Variants in ANKRD6 observed in about 807,000 individuals in gnomAD.
ANKRD6 encodes ankyrin repeat domain 6, also known as ankyrin repeat domain-containing protein 6.
ANKRD6 carries 56 observed loss-of-function variants against 82.3 expected under a neutral mutation model. The ratio of observed to expected loss-of-function variants is 0.68; its 90% CI spans 0.55 to 0.85. The LOEUF (loss-of-function observed/expected upper bound fraction) is 0.85, where lower values mean the gene tolerates loss of function less well. ANKRD6 is among the 40% of genes least tolerant of loss of function. The pLI is 0.00. For synonymous variants in ANKRD6, 347 were observed against 352.1 expected (o/e 0.99, Z 0.16); for missense variants, 852 against 907.6 (o/e 0.94, Z 0.79).
intron 1 of ANKRD6, among the ~76,000 whole-genome samples, chr6:89,462,157 G>A (rs759597825): frequency 6.6e-6 from 1 of 151,242 alleles, no homozygotes; most frequent in Non-Finnish European, 1.5e-5. Flanking sequence ...GCTTGAACCC[G>A]GGAGGTGGAG....
chr6:89,481,215 A>G (rs969844659), intron 1 of ANKRD6, among the ~76,000 whole-genome samples: 55 of 152,276 alleles, frequency 3.6e-4, no homozygotes, highest in African/African-American at 1.3e-3. Context: ...AAAAACGTAA[A>G]AACAGTAGTT....
intron 1 of ANKRD6, among the ~76,000 whole-genome samples, chr6:89,446,180 C>T (rs1772060600): frequency 6.6e-6 from 1 of 151,614 alleles, no homozygotes; most frequent in African/African-American, 2.4e-5. Flanking sequence ...TGGTGAAACT[C>T]TGTCTCTACT....
intron 13 of ANKRD6, among the ~76,000 whole-genome samples, chr6:89,626,279 T>C (rs1424989967): frequency 6.6e-6 from 1 of 152,176 alleles, no homozygotes; most frequent in Non-Finnish European, 1.5e-5. Flanking sequence ...TTGGGATACC[T>C]CAAGGGCCTC....
intron 1 of ANKRD6, among the ~76,000 whole-genome samples, chr6:89,437,880 G>T (rs1294863253): frequency 6.6e-6 from 1 of 152,078 alleles, no homozygotes; most frequent in African/African-American, 2.4e-5. Context: ...TGCAACCTCT[G>T]CCTCCTGGGC....
At chr6:89,488,379 G>A (rs1777612331) in intron 1 of ANKRD6, among the ~76,000 whole-genome samples, 1 of 152,222 alleles carries the variant, frequency 6.6e-6, no homozygotes, top group Non-Finnish European at 1.5e-5. Context: ...GAGCCCCAGA[G>A]TTTGAGGCTG....
At chr6:89,518,140 C>CG (rs1322704660) in intron 1 of ANKRD6, among the ~76,000 whole-genome samples, 1 of 152,084 alleles carries the variant, frequency 6.6e-6, no homozygotes, top group East Asian at 1.9e-4. Context: ...TGGTGGCTCA[C>CG]GCCTGTGATC....
intron 1 of ANKRD6, among the ~76,000 whole-genome samples, chr6:89,465,404 A>C (rs1774729780): frequency 6.6e-6 from 1 of 151,880 alleles, no homozygotes; most frequent in Non-Finnish European, 1.5e-5. Flanking sequence ...TACAAGTATG[A>C]GCCACTGCAC....
At chr6:89,627,500 C>T (rs1806115943) in intron 13 of ANKRD6, 83 bp from the exon 14 acceptor site, 2 of 1,308,150 alleles carry the variant, frequency 1.5e-6, no homozygotes, top group African/African-American at 1.4e-5. Context: ...ACTTGGTTCC[C>T]CAAGCCCCTC....
Position 89,557,580 on chromosome 6 carries a change from G to A in ANKRD6, c.-143-9254G>A, listed in dbSNP as rs866832594. On this transcript the variant is annotated intron_variant, in intron 1 of 15. Transcript: ENST00000339746. ...CAATTACGTCAATGTAAAACCAGCC[G>A]GTGGGAGTGCAACATGGTACAGACA... Among the ~76,000 whole-genome samples, 6 of 152,256 alleles carry A rather than the reference G, an allele frequency of 3.9e-5. No individual in the cohort carries two copies. In the East Asian group the frequency reaches 9.6e-4, roughly 24 times the overall value.
At chr6:89,610,558 A>G (rs1238026267) in intron 5 of ANKRD6, among the ~76,000 whole-genome samples, 1 of 152,164 alleles carries the variant, frequency 6.6e-6, no homozygotes, top group African/African-American at 2.4e-5. Flanking sequence ...CTTATTGGCA[A>G]TATAAGCTTT....
chr6:89,437,657 T>C (rs928975954), intron 1 of ANKRD6, among the ~76,000 whole-genome samples: 2 of 152,312 alleles, frequency 1.3e-5, no homozygotes, highest in Non-Finnish European at 2.9e-5. Context: ...GTATTCTAAA[T>C]ATAGCATACA....
At chr6:89,587,190 CA>C (rs36065437) in intron 2 of ANKRD6, among the ~76,000 whole-genome samples, 5,410 of 84,238 alleles carry the variant, frequency 0.064, 125 homozygotes, top group South Asian at 0.19. Context: ...AACTCCGTCT[CA>C]AAAAAAAAAA....
rs557562435 is a variant in ANKRD6, at chr6:89,441,781, C to T, written c.-144+8406C>T. 3.4e-4 allele frequency among the ~76,000 whole-genome samples: 52 copies of T among 151,912 alleles called. No individual in the cohort carries two copies. In the South Asian group the frequency reaches 0.01, roughly 30 times the overall value. On this transcript the variant is annotated intron_variant, in intron 1 of 15. Transcript: ENST00000339746. Reference sequence around the variant, plus strand: ...CCAAGTAGCTGGGATTATAGGCATGCGCCACCACACCCAGCTAACTTTGTA... The same window carrying T: ...CCAAGTAGCTGGGATTATAGGCATGTGCCACCACACCCAGCTAACTTTGTA...
chr6:89,460,909 C>A (rs141836073), intron 1 of ANKRD6, among the ~76,000 whole-genome samples: 1 of 135,900 alleles, frequency 7.4e-6, no homozygotes, highest in South Asian at 2.2e-4. Context: ...TTTTGGAATT[C>A]TTTTTTTTTG....
At chr6:89,535,478 T>C (rs1174770253) in intron 1 of ANKRD6, among the ~76,000 whole-genome samples, 1 of 152,218 alleles carries the variant, frequency 6.6e-6, no homozygotes, top group Non-Finnish European at 1.5e-5. Flanking sequence ...GCAAAAATAC[T>C]GTGCTTTGGA....
At chr6:89,440,580 C>G (rs911338731) in intron 1 of ANKRD6, among the ~76,000 whole-genome samples, 3 of 152,112 alleles carry the variant, frequency 2.0e-5, no homozygotes, top group African/African-American at 7.2e-5. Flanking sequence ...AATCCTTATG[C>G]CAAAGTGGCA....
rs1472604656 is a variant in ANKRD6 at position 89,525,426 on chromosome 6, C to G, written c.-143-41408C>G. 2.6e-5 allele frequency among the ~76,000 whole-genome samples: 4 copies of G among 152,278 alleles called. No homozygotes were observed. The South Asian group carries it at 6.2e-4, about 24-fold the overall frequency. Reference sequence around the variant, plus strand: ...GTTTCTCACTGGGAATCCAGCATTTCCACGCTGTTGTTTTTGTGCATTTTA... The same window carrying G: ...GTTTCTCACTGGGAATCCAGCATTTGCACGCTGTTGTTTTTGTGCATTTTA... On this transcript the variant is annotated intron_variant, in intron 1 of 15. Transcript: ENST00000339746.
At chr6:89,446,768 G>T (rs894413580) in intron 1 of ANKRD6, among the ~76,000 whole-genome samples, 5 of 152,144 alleles carry the variant, frequency 3.3e-5, no homozygotes, top group Admixed American at 1.3e-4. Flanking sequence ...CCCATGTGTC[G>T]TGGGAGGGAC....
intron 1 of ANKRD6, among the ~76,000 whole-genome samples, chr6:89,462,128 G>C (rs766892405): frequency 2.0e-5 from 3 of 151,454 alleles, no homozygotes; most frequent in Non-Finnish European, 2.9e-5. Flanking sequence ...GCTACTCAGG[G>C]GGCTGAGGCA....
Sources: allele counts gnomAD v4.1 joint callset (sites outside exome capture counted in the v4.1 genomes callset), GRCh38; gene constraint gnomAD v4.1.1; transcripts MANE v1.5; gene names NCBI Gene and HGNC (gene_info 2026-07-23, HGNC 2026-07-21).